Variants in SLC4A4 observed in about 807,000 individuals in gnomAD.
The protein encoded by SLC4A4 is electrogenic sodium bicarbonate cotransporter 1.
Under a neutral mutation model 111.5 loss-of-function variants are expected in SLC4A4, and 27 were observed. The observed-to-expected ratio is 0.24, with a 90% confidence interval of 0.18 to 0.33. The LOEUF (loss-of-function observed/expected upper bound fraction) is 0.33, where lower values mean the gene tolerates loss of function less well. SLC4A4 is among the 10% of genes least tolerant of loss of function. SLC4A4 has a pLI of 1.00. For missense variants in SLC4A4, 909 were observed against 1,315.5 expected (o/e 0.69, Z 4.78); for synonymous variants, 443 against 463.4 (o/e 0.96, Z 0.57).
At chr4:71,373,141 A>G (rs1054934252) in intron 6 of SLC4A4, among the ~76,000 whole-genome samples, 9 of 152,160 alleles carry the variant, frequency 5.9e-5, no homozygotes, top group African/African-American at 2.2e-4. Flanking sequence ...CACTTTAACA[A>G]GTTCAATTCA....
chr4:71,172,573 C>A (rs989809681), intron 2 of SLC4A4, among the ~76,000 whole-genome samples: 2 of 152,146 alleles, frequency 1.3e-5, no homozygotes, highest in African/African-American at 4.8e-5. Flanking sequence ...TATTTTCTGA[C>A]AAATGTTTGC....
intron 2 of SLC4A4, among the ~76,000 whole-genome samples, chr4:71,166,386 C>A (rs1744743724): frequency 6.6e-6 from 1 of 152,136 alleles, no homozygotes; most frequent in Non-Finnish European, 1.5e-5. Flanking sequence ...AAAGAACTAT[C>A]TTAATAACAA....
chr4:71,310,948 GACACACAT>G (rs1188084225), intron 3 of SLC4A4, among the ~76,000 whole-genome samples: 2 of 152,118 alleles, frequency 1.3e-5, no homozygotes, highest in Non-Finnish European at 2.9e-5. Context: ...CATGTGCAAA[GACACACAT>G]ACGCTCAAAA....
At chr4:71,149,030 T>C (rs1264287798) in intron 2 of SLC4A4, among the ~76,000 whole-genome samples, 2 of 152,196 alleles carry the variant, frequency 1.3e-5, no homozygotes, top group East Asian at 3.8e-4. Flanking sequence ...CATTCCTTTT[T>C]CTCTGCAACC....
At chr4:71,090,672 T>A (rs1291056068) in intron 1 of SLC4A4, among the ~76,000 whole-genome samples, 1 of 152,190 alleles carries the variant, frequency 6.6e-6, no homozygotes, top group Non-Finnish European at 1.5e-5. Context: ...AATACACGGA[T>A]GCAATTGAAA....
Position 71,450,380 on chromosome 4 carries a change from A to G in SLC4A4, c.1054-9A>G. 6.2e-7 allele frequency: 1 copy of G among 1,600,148 alleles called. No individual in the cohort carries two copies. The highest frequency in any genetic ancestry group is 1.1e-5 in the South Asian group (1 of 90,826). On this transcript the variant is annotated splice_polypyrimidine_tract_variant and intron_variant, in intron 9 of 25. Transcript: ENST00000264485. Reference sequence around the variant, plus strand: ...TTTTTGGATGAGCACATCTTTTATTATTCTTTAGGTGTTCCATGACATTGC... The same window carrying G: ...TTTTTGGATGAGCACATCTTTTATTGTTCTTTAGGTGTTCCATGACATTGC...
chr4:71,142,043 G>A (rs991426313), intron 2 of SLC4A4, among the ~76,000 whole-genome samples: 3 of 152,170 alleles, frequency 2.0e-5, no homozygotes, highest in African/African-American at 7.2e-5. Context: ...CATCAGACCT[G>A]ATCTCAAACT....
At chr4:71,083,819 G>A (rs889579917) in intron 1 of SLC4A4, among the ~76,000 whole-genome samples, 1 of 133,678 alleles carries the variant, frequency 7.5e-6, no homozygotes, top group Non-Finnish European at 1.5e-5. Flanking sequence ...CTAATGGATA[G>A]TTTATGGAGT....
chr4:71,248,473 G>A (rs1417475471), intron 2 of SLC4A4, among the ~76,000 whole-genome samples: 1 of 151,080 alleles, frequency 6.6e-6, no homozygotes, highest in Non-Finnish European at 1.5e-5. Context: ...GATACATTTT[G>A]TATCTATAGA....
chr4:71,410,670 T>C (rs539495679), intron 7 of SLC4A4, among the ~76,000 whole-genome samples: 1 of 152,316 alleles, frequency 6.6e-6, no homozygotes, highest in South Asian at 2.1e-4. Flanking sequence ...TGAGGGACTG[T>C]TGGGAATACA....
intron 3 of SLC4A4, among the ~76,000 whole-genome samples, chr4:71,337,185 T>G (rs924654423): frequency 6.6e-6 from 1 of 152,218 alleles, no homozygotes; most frequent in African/African-American, 2.4e-5. Flanking sequence ...GAAATTACTA[T>G]TAATATACCA....
chr4:71,168,264 C>T (rs1011619521), intron 2 of SLC4A4, among the ~76,000 whole-genome samples: 3 of 148,632 alleles, frequency 2.0e-5, no homozygotes, highest in Non-Finnish European at 3.0e-5. Flanking sequence ...TCACCGTAAC[C>T]TCCGCGTCCT....
intron 6 of SLC4A4, among the ~76,000 whole-genome samples, chr4:71,359,221 G>A (rs1730550109): frequency 6.6e-6 from 1 of 152,112 alleles, no homozygotes; most frequent in Non-Finnish European, 1.5e-5. Flanking sequence ...CTGTACTTGA[G>A]AGAAAAGTTG....
chr4:71,224,350 G>A (rs147207494), intron 1 of SLC4A4, among the ~76,000 whole-genome samples: 1 of 152,328 alleles, frequency 6.6e-6, no homozygotes, highest in Non-Finnish European at 1.5e-5. Context: ...TATTTGGAGA[G>A]TTTTAACAGA....
intron 2 of SLC4A4, among the ~76,000 whole-genome samples, chr4:71,244,519 C>CT (rs1173692806): frequency 6.6e-6 from 1 of 152,140 alleles, no homozygotes; most frequent in Non-Finnish European, 1.5e-5. Flanking sequence ...TCATCTCCTA[C>CT]TTTTTTCTAG....
intron 2 of SLC4A4, among the ~76,000 whole-genome samples, chr4:71,247,492 G>A (rs1436091250): frequency 2.0e-5 from 3 of 152,050 alleles, no homozygotes; most frequent in Non-Finnish European, 2.9e-5. Context: ...ACTGCAAAAA[G>A]AGAAGCCATA....
chr4:71,473,088 C>T, intron 14 of SLC4A4, 118 bp downstream of exon 14: 1 of 1,096,064 alleles, frequency 9.1e-7, no homozygotes, highest in Non-Finnish European at 1.4e-6. Context: ...TTGTTTTTTT[C>T]TCTGAAAAAC....
At chr4:71,439,301 A>C (rs1027816008) in intron 7 of SLC4A4, among the ~76,000 whole-genome samples, 2 of 151,446 alleles carry the variant, frequency 1.3e-5, no homozygotes, top group Admixed American at 1.3e-4. Context: ...GGTGATGTGC[A>C]CCTGTAGTCC....
chr4:71,427,917 TA>T (rs1723291323), intron 7 of SLC4A4, among the ~76,000 whole-genome samples: 1 of 152,182 alleles, frequency 6.6e-6, no homozygotes, highest in African/African-American at 2.4e-5. Flanking sequence ...ACCAGCCACA[TA>T]GATGAAGATG....
Sources: allele counts gnomAD v4.1 joint callset (sites outside exome capture counted in the v4.1 genomes callset), GRCh38; gene constraint gnomAD v4.1.1; transcripts MANE v1.5; gene names NCBI Gene and HGNC (gene_info 2026-07-23, HGNC 2026-07-21).